Variants in G3BP1 observed in about 807,000 individuals in gnomAD.
G3BP1 encodes the protein G3BP stress granule assembly factor 1.
G3BP1 carries 35 observed loss-of-function variants against 58.6 expected under a neutral mutation model. That is an observed-to-expected ratio of 0.60 (90% CI 0.46 to 0.79). G3BP1 has a LOEUF of 0.79. Ranked by LOEUF, G3BP1 falls within the 30% of genes least tolerant of loss-of-function variation. The probability of loss-of-function intolerance (pLI) is 0.00; values close to 1 mark genes in which losing one functional copy is unlikely to be tolerated. For missense variants in G3BP1, 523 were observed against 580.8 expected (o/e 0.90, Z 1.02); for synonymous variants, 191 against 195.4 (o/e 0.98, Z 0.19).
chr5:151,803,856 C>T (rs1561538583), intron 11 of G3BP1, 29 bp from the exon 12 acceptor site: 2 of 1,503,410 alleles, frequency 1.3e-6, no homozygotes, highest in Admixed American at 1.7e-5. Flanking sequence ...CATCAGTACT[C>T]TTAAGTCTGG....
At chr5:151,792,402 T>G (rs1762674642) in intron 4 of G3BP1, among the ~76,000 whole-genome samples, 3 of 152,216 alleles carry the variant, frequency 2.0e-5, no homozygotes, top group African/African-American at 7.2e-5. Flanking sequence ...ATAGTCATAA[T>G]TTTTAGAGGA....
rs1339154988 is a variant in G3BP1 at position 151,808,659 on chromosome 5, G to A, written c.*4568G>A. ...CCTAAGTGTAGTATTTTGAAATGTG[G>A]CCAGTGTCCCAGATTTGTAAGGTAC... On this transcript the variant is annotated 3_prime_UTR_variant, in exon 12 of 12. Transcript: ENST00000356245. 6.6e-6 allele frequency: 1 copy of A among 152,114 alleles called. No individual in the cohort carries two copies. The highest frequency in any genetic ancestry group is 2.4e-5 in the African/African-American group (1 of 41,404). 9.4% of individuals were successfully genotyped at this position (152,114 alleles called of 1,614,324 possible). A position where few individuals can be genotyped will look rare whatever the true frequency, so the allele number is the denominator to read the frequency against.
intron 1 of G3BP1, among the ~76,000 whole-genome samples, chr5:151,785,133 G>T (rs1484709835): frequency 6.6e-6 from 1 of 152,176 alleles, no homozygotes; most frequent in Admixed American, 6.5e-5. Context: ...GATTACAGGC[G>T]TGAGCCACCG....
chr5:151,785,758 A>T (rs1053439558), intron 1 of G3BP1, among the ~76,000 whole-genome samples: 1 of 152,126 alleles, frequency 6.6e-6, no homozygotes, highest in Non-Finnish European at 1.5e-5. Flanking sequence ...TTATTTTGAA[A>T]TTTTTTAATT....
At chr5:151,783,853 C>T (rs1034263766) in intron 1 of G3BP1, among the ~76,000 whole-genome samples, 2 of 152,116 alleles carry the variant, frequency 1.3e-5, no homozygotes, top group Admixed American at 6.6e-5. Context: ...ACCTCCGCCT[C>T]CCGGGTTCAA....
chr5:151,804,167 C>A lies in G3BP1; in HGVS notation c.*76C>A, dbSNP rs185362943. ...GTGAATTTTCGACAGCCTTTGGTAT[C>A]TTGGAGTATGACCCCAGTCTGTTAT... On this transcript the variant is annotated 3_prime_UTR_variant, in exon 12 of 12. Coordinates refer to ENST00000356245, the MANE Select transcript of G3BP1 (RefSeq NM_005754.3). The A allele has an allele frequency of 1.4e-5, 15 of 1,065,766 alleles. No individual in the cohort carries two copies. Among genetic ancestry groups the A allele is most frequent in the Non-Finnish European group, 1.8e-5 (13 of 720,558 alleles). 66.0% of individuals were successfully genotyped at this position (1,065,766 alleles called of 1,614,324 possible).
intron 10 of G3BP1, 61 bp downstream of exon 10, chr5:151,800,407 C>T: frequency 3.2e-6 from 4 of 1,249,786 alleles, no homozygotes. Context: ...TGTCCAGTAG[C>T]AATAGAAAAT....
intron 7 of G3BP1, 121 bp downstream of exon 7, chr5:151,797,549 C>T: frequency 9.1e-7 from 1 of 1,093,536 alleles, no homozygotes; most frequent in Non-Finnish European, 1.3e-6. Flanking sequence ...TGGTTCATTT[C>T]AGGGAAATTT....
In G3BP1 at chr5:151,797,341, A is replaced by G. The variant is rs974498723; in HGVS notation, c.654A>G (p.Val218=). ...SEIQEEKPEP[V]LEETAPEDAQ... is the part of the protein sequence containing the mutation. ...TCCAAGAGGAAAAGCCTGAGCCAGTATTAGAAGAAACTGCCCCTGAGGATG... is the reference window on the plus strand; with the variant it reads ...TCCAAGAGGAAAAGCCTGAGCCAGTGTTAGAAGAAACTGCCCCTGAGGATG... Residue 218 remains valine (V), a synonymous_variant, in exon 7 of 12, where the codon GTA becomes GTG. Coordinates refer to ENST00000356245, the MANE Select transcript of G3BP1 (RefSeq NM_005754.3). 1.9e-6 allele frequency: 3 copies of G among 1,614,142 alleles called. No individual in the cohort carries two copies. Among genetic ancestry groups the G allele is most frequent in the Admixed American group, 1.7e-5 (1 of 60,018 alleles).
intron 6 of G3BP1, among the ~76,000 whole-genome samples, chr5:151,796,776 A>T (rs1762758824): frequency 6.6e-6 from 1 of 152,096 alleles, no homozygotes; most frequent in South Asian, 2.1e-4. Flanking sequence ...AACTGTATAG[A>T]TGTGGTTCTA....
chr5:151,804,152 G>C lies in G3BP1; in HGVS notation c.*61G>C. ...GGTTCCAACAGAATGGTGAATTTTCGACAGCCTTTGGTATCTTGGAGTATG... is the reference window on the plus strand; with the variant it reads ...GGTTCCAACAGAATGGTGAATTTTCCACAGCCTTTGGTATCTTGGAGTATG... On this transcript the variant is annotated 3_prime_UTR_variant, in exon 12 of 12. Transcript: ENST00000356245. 1 of 1,238,012 alleles carries C rather than the reference G, an allele frequency of 8.1e-7. No individual in the cohort carries two copies. The highest frequency in any genetic ancestry group is 2.1e-5 in the Admixed American group (1 of 46,928). 76.7% of individuals were successfully genotyped at this position (1,238,012 alleles called of 1,614,324 possible).
chr5:151,773,373 C>A (rs1310520497), intron 1 of G3BP1, among the ~76,000 whole-genome samples: 1 of 152,100 alleles, frequency 6.6e-6, no homozygotes, highest in African/African-American at 2.4e-5. Flanking sequence ...GGATGAATTA[C>A]TGGTGTTGGA....
chr5:151,784,144 G>A (rs1281794130), intron 1 of G3BP1, among the ~76,000 whole-genome samples: 15 of 152,086 alleles, frequency 9.9e-5, no homozygotes, highest in Admixed American at 9.8e-4. Flanking sequence ...CACCCAGGCC[G>A]AAGTGCAGTG....
At position 151,797,286 on chromosome 5, in the gene G3BP1, C is replaced by T; in HGVS notation, c.599C>T (p.Pro200Leu). 1 of 1,612,658 alleles carries T rather than the reference C, an allele frequency of 6.2e-7. No individual in the cohort carries two copies. The highest frequency in any genetic ancestry group is 8.5e-7 in the Non-Finnish European group (1 of 1,178,700). The change falls in exon 7 of 12, where the codon CCA becomes CTA. Residue 200 changes from proline to leucine, a missense_variant. By Grantham distance (98) the Pro-to-Leu change is moderately conservative. Around this residue, in one of 2 missense-constraint regions of G3BP1, gnomAD observed 398 missense variants for 399.1 expected, o/e 1.00. Transcript: ENST00000356245. ...GCTGAACCAGAGCCTGATCCTGAAC[C>T]AGAACCAGAACAAGAACCTGTATCT... is the stretch of plus-strand genomic sequence containing the variant. ...PVAEPEPDPE[P>L]EPEQEPVSEI...
intron 1 of G3BP1, among the ~76,000 whole-genome samples, chr5:151,779,224 G>A (rs1177307687): frequency 6.6e-6 from 1 of 152,146 alleles, no homozygotes; most frequent in African/African-American, 2.4e-5. Context: ...TTTGCTTTTG[G>A]TGTGTCTAAA....
intron 1 of G3BP1, among the ~76,000 whole-genome samples, chr5:151,777,421 A>G (rs541711558): frequency 5.5e-4 from 83 of 152,288 alleles, no homozygotes; most frequent in Middle Eastern, 3.4e-3. Context: ...GACATTTTGC[A>G]TTGCCCTCTA....
chr5:151,803,963 G>A lies in G3BP1; in HGVS notation c.1273G>A (p.Asp425Asn). 6.2e-7 allele frequency: 1 copy of A among 1,614,066 alleles called. No homozygotes were observed. The highest frequency in any genetic ancestry group is 8.5e-7 in the Non-Finnish European group (1 of 1,179,924). Reference sequence around the variant, plus strand: ...AGCTGCCAGGGAAGGCGACCGACGAGATAATCGCCTTCGGGGACCTGGAGG... The same window carrying A: ...AGCTGCCAGGGAAGGCGACCGACGAAATAATCGCCTTCGGGGACCTGGAGG... ...TRAAREGDRR[D>N]NRLRGPGGPR... is the part of the protein sequence containing the mutation. The change falls in exon 12 of 12, where the codon GAT becomes AAT. Residue 425 changes from aspartate to asparagine, a missense_variant. Asp to Asn is a conservative substitution (Grantham distance 23). This residue lies in a region of G3BP1 where 125 missense variants were observed against 181.7 expected (regional missense o/e 0.69). Transcript: ENST00000356245.
intron 1 of G3BP1, among the ~76,000 whole-genome samples, chr5:151,777,410 T>C (rs907911991): frequency 3.3e-5 from 5 of 152,242 alleles, no homozygotes; most frequent in African/African-American, 1.2e-4. Flanking sequence ...AATTAACATT[T>C]GACATTTTGC....
chr5:151,775,850 T>G (rs1412536215), intron 1 of G3BP1, among the ~76,000 whole-genome samples: 2 of 152,102 alleles, frequency 1.3e-5, no homozygotes, highest in African/African-American at 2.4e-5. Flanking sequence ...ATTCCTGAAG[T>G]TTTTTTTCTT....
Sources: allele counts gnomAD v4.1 joint callset (sites outside exome capture counted in the v4.1 genomes callset), GRCh38; gene constraint gnomAD v4.1.1; regional missense constraint gnomAD v4.1.1; transcripts MANE v1.5; gene names NCBI Gene and HGNC (gene_info 2026-07-23, HGNC 2026-07-21).